The following ORC5 variants were observed in gnomAD, a reference collection of about 807,000 sequenced individuals.
The protein encoded by ORC5 is origin recognition complex subunit 5, also known as protein phosphatase 1, regulatory subunit 117.
Under a neutral mutation model 58.8 loss-of-function variants are expected in ORC5, and 39 were observed. The observed-to-expected ratio is 0.66, with a 90% CI of 0.51 to 0.87. ORC5 has a LOEUF of 0.87. ORC5 is among the 40% of genes least tolerant of loss of function. The pLI is 0.00. For missense variants in ORC5, 493 were observed against 506.3 expected (o/e 0.97, Z 0.25); for synonymous variants, 218 against 177.6 (o/e 1.23, Z -1.81).
Position 104,170,000 on chromosome 7 carries a change from T to G in ORC5, c.825-1475A>C, listed in dbSNP as rs569014254. Among the ~76,000 whole-genome samples the G allele has an allele frequency of 6.6e-4, 101 of 152,332 alleles. 1 individual carries two copies. Among genetic ancestry groups the G allele is most frequent in the African/African-American group, 2.3e-3 (94 of 41,590 alleles). On this transcript the variant is annotated intron_variant, in intron 8 of 13. Coordinates refer to ENST00000297431, the MANE Select transcript of ORC5 (RefSeq NM_002553.4). ...CATCAAGGTCGTCCTAAGAAATGTC[T>G]TATGAGTAGTGTTCTCTGAGTTCTT...
At position 104,129,829 on chromosome 7, in the gene ORC5, A is replaced by G. The variant is rs1798486940; in HGVS notation, c.1263-2936T>C. 1.3e-5 allele frequency among the ~76,000 whole-genome samples: 2 copies of G among 152,236 alleles called. No individual in the cohort carries two copies. Among genetic ancestry groups the G allele is most frequent in the African/African-American group, 4.8e-5 (2 of 41,462 alleles). On this transcript the variant is annotated intron_variant, in intron 13 of 13. Transcript: ENST00000297431. This position sits in a 1 kb window ranked among gnomAD's most constrained non-coding sequence, Gnocchi z 4.9. ...TTATTTTCTAAAGTAACCAGCTGGA[A>G]AGAAATACAGTAAACACGAATAGTG...
chr7:104,204,306 A>C (rs1800020884), intron 1 of ORC5, 72 bp from the exon 2 acceptor site: 2 of 881,186 alleles, frequency 2.3e-6, no homozygotes, highest in Non-Finnish European at 3.6e-6. Flanking sequence ...ACTTGTGAGA[A>C]AGTTGTACGT....
At chr7:104,172,862 A>G (rs1180984951) in intron 8 of ORC5, among the ~76,000 whole-genome samples, 1 of 152,164 alleles carries the variant, frequency 6.6e-6, no homozygotes, top group Non-Finnish European at 1.5e-5. Context: ...TTAATAATAG[A>G]CAAATGTCGA....
intron 10 of ORC5, among the ~76,000 whole-genome samples, chr7:104,166,531 T>G (rs1313246885): frequency 6.6e-6 from 1 of 152,214 alleles, no homozygotes; most frequent in Non-Finnish European, 1.5e-5. Flanking sequence ...ACCCTATGTA[T>G]TTTTTAAATC....
intron 1 of ORC5, among the ~76,000 whole-genome samples, chr7:104,205,083 AC>A (rs1800042414): frequency 1.1e-5 from 1 of 91,102 alleles, no homozygotes; most frequent in Non-Finnish European, 2.3e-5. Flanking sequence ...TTTTAATAAT[AC>A]TCTTTTTTTT....
At chr7:104,135,979 T>G (rs1032578481) in intron 13 of ORC5, among the ~76,000 whole-genome samples, 6 of 152,172 alleles carry the variant, frequency 3.9e-5, no homozygotes, top group African/African-American at 1.2e-4. Context: ...AACCGTATGA[T>G]GAAGTCACTT....
chr7:104,130,062 AT>A (rs935910166), intron 13 of ORC5, among the ~76,000 whole-genome samples: 35 of 140,130 alleles, frequency 2.5e-4, no homozygotes, highest in Middle Eastern at 7.5e-3. Flanking sequence ...GATTTTTTTA[AT>A]TTTTTTTTTT....
intron 2 of ORC5, among the ~76,000 whole-genome samples, chr7:104,201,562 A>G (rs1039773969): frequency 1.8e-4 from 27 of 151,730 alleles, no homozygotes; most frequent in African/African-American, 6.5e-4. Flanking sequence ...CATGTCTGTA[A>G]TCCCAAGGCT....
intron 12 of ORC5, among the ~76,000 whole-genome samples, chr7:104,152,764 G>A (rs568939309): frequency 6.6e-6 from 1 of 152,170 alleles, no homozygotes; most frequent in African/African-American, 2.4e-5. Flanking sequence ...AAACTTATTG[G>A]AAGTAACACT....
rs770669335 is a variant in ORC5, at chr7:104,166,812, G to A, written c.950C>T (p.Ser317Leu). The change falls in exon 10 of 14, where the codon TCA (serine) becomes TTA (leucine). Residue 317 changes from serine (S) to leucine (L), a missense_variant. By Grantham distance (145) the Ser-to-Leu change is moderately radical. Around this residue, in one of 3 missense-constraint regions of ORC5, gnomAD observed 412 missense variants for 403.7 expected, o/e 1.02. Coordinates refer to ENST00000297431, the MANE Select transcript of ORC5 (RefSeq NM_002553.4). ...KFILIAAYLA[S>L]YNPARTDKRF... ...CTTGTCAGTTCTTGCTGGATTGTATGAAGCAAGGTATGCAGCAATTAGAAT... is the reference window on the plus strand; with the variant it reads ...CTTGTCAGTTCTTGCTGGATTGTATAAAGCAAGGTATGCAGCAATTAGAAT... 6.2e-7 allele frequency: 1 copy of A among 1,611,494 alleles called. No homozygotes were observed.
chr7:104,205,635 T>TA (rs1800060909), intron 1 of ORC5, among the ~76,000 whole-genome samples: 3 of 152,152 alleles, frequency 2.0e-5, no homozygotes, highest in African/African-American at 7.2e-5. Flanking sequence ...AAAAATAGAC[T>TA]AAAAATTTAC....
intron 3 of ORC5, among the ~76,000 whole-genome samples, chr7:104,198,269 G>C (rs1239048638): frequency 6.6e-6 from 1 of 152,230 alleles, no homozygotes; most frequent in Non-Finnish European, 1.5e-5. Context: ...GGGCTCAGAA[G>C]ACAGGAAGAA....
chr7:104,155,425 T>C (rs572470817), intron 12 of ORC5, among the ~76,000 whole-genome samples: 3 of 151,560 alleles, frequency 2.0e-5, no homozygotes, highest in African/African-American at 4.8e-5. Flanking sequence ...AGAACTATTT[T>C]TTAAAAAGAA....
intron 12 of ORC5, among the ~76,000 whole-genome samples, chr7:104,156,527 G>T (rs898990232): frequency 6.6e-6 from 1 of 151,182 alleles, no homozygotes. Flanking sequence ...GAATAGATTA[G>T]ATTTGAAATA....
At chr7:104,189,515 C>T (rs1799625726) in intron 5 of ORC5, among the ~76,000 whole-genome samples, 1 of 151,998 alleles carries the variant, frequency 6.6e-6, no homozygotes, top group Non-Finnish European at 1.5e-5. Context: ...GGCCCCACCT[C>T]CTGTCCTTGG....
Position 104,199,118 on chromosome 7 carries a change from A to G in ORC5, c.367-1319T>C, listed in dbSNP as rs536307853. On this transcript the variant is annotated intron_variant, in intron 3 of 13. Coordinates refer to ENST00000297431, the MANE Select transcript of ORC5 (RefSeq NM_002553.4). Reference sequence around the variant, plus strand: ...CTGTAGGTGCAGGGCCCTCATGGAGAACCTCTACTAGGGCAGTACAGAAGG... The same window carrying G: ...CTGTAGGTGCAGGGCCCTCATGGAGGACCTCTACTAGGGCAGTACAGAAGG... Among the ~76,000 whole-genome samples the G allele has an allele frequency of 2.6e-5, 4 of 152,250 alleles. No individual in the cohort carries two copies. The East Asian group carries it at 5.8e-4, about 22-fold the overall frequency.
chr7:104,177,457 T>A (rs1202006896), intron 8 of ORC5, among the ~76,000 whole-genome samples: 1 of 152,206 alleles, frequency 6.6e-6, no homozygotes, highest in African/African-American at 2.4e-5. Flanking sequence ...CCTAGGTTTT[T>A]ACTAGAAATT....
chr7:104,147,582 G>C (rs1407616867), intron 12 of ORC5, among the ~76,000 whole-genome samples: 1 of 152,096 alleles, frequency 6.6e-6, no homozygotes, highest in Non-Finnish European at 1.5e-5. Context: ...GATGATGAAA[G>C]AGACATCATA....
chr7:104,126,545 G>C lies in ORC5; in HGVS notation c.*303C>G. On this transcript the variant is annotated 3_prime_UTR_variant, in exon 14 of 14. Coordinates refer to ENST00000297431, the MANE Select transcript of ORC5 (RefSeq NM_002553.4). ...GAGCAAAATGTAGTCCTAAGTAAAT[G>C]GGTTTCAGGCAATTTCAGTGTTAAG... 1 of 269,796 alleles carries C rather than the reference G, an allele frequency of 3.7e-6. No homozygotes were observed. Among genetic ancestry groups the C allele is most frequent in the Non-Finnish European group, 6.9e-6 (1 of 144,306 alleles). The allele number at this position is 269,796 out of a possible 1,614,324, so 16.7% of individuals were successfully genotyped here.
Sources: allele counts gnomAD v4.1 joint callset (sites outside exome capture counted in the v4.1 genomes callset), GRCh38; gene constraint gnomAD v4.1.1; regional missense constraint gnomAD v4.1.1; non-coding constraint Gnocchi (gnomAD v3.1); transcripts MANE v1.5; gene names NCBI Gene and HGNC (gene_info 2026-07-23, HGNC 2026-07-21).